Variants in ADAM33 observed in about 807,000 individuals in gnomAD.
ADAM33 encodes ADAM metallopeptidase domain 33.
Under a neutral mutation model 106.2 loss-of-function variants are expected in ADAM33, and 103 were observed. That is an observed-to-expected ratio of 0.97 (90% confidence interval 0.83 to 1.14). The LOEUF (loss-of-function observed/expected upper bound fraction) is 1.14. Ranked by LOEUF, ADAM33 falls within the 50% of genes most tolerant of loss-of-function variation. ADAM33 has a pLI of 0.00. For synonymous variants in ADAM33, 483 were observed against 453.0 expected, an observed-to-expected ratio of 1.07 and a Z score of -0.84; for missense variants, 1,120 against 1,096.6, an observed-to-expected ratio of 1.02 and a Z score of -0.30.
intron 2 of ADAM33, among the ~76,000 whole-genome samples, chr20:3,678,993 C>A (rs569009396): frequency 1.3e-5 from 2 of 151,204 alleles, no homozygotes; most frequent in East Asian, 2.2e-4. Flanking sequence ...GTGACCACTG[C>A]CCCCCCGATA....
In ADAM33 at chr20:3,671,784, G is replaced by A. The variant is rs1252045912; in HGVS notation, c.1707-5C>T. The A allele has an allele frequency of 6.4e-7, 1 of 1,558,144 alleles. No homozygotes were observed. Among genetic ancestry groups the A allele is most frequent in the African/African-American group, 1.4e-5 (1 of 73,470 alleles). ...AGCTTCCCACACAGGGCATCCCTGG[G>A]GAGGAAGTAGAGGGGGGTCAACAGC... On this transcript the variant is annotated splice_region_variant and splice_polypyrimidine_tract_variant and intron_variant, in intron 15 of 21. Transcript: ENST00000356518.
At chr20:3,674,912 G>T (rs763154167) in intron 4 of ADAM33, 63 bp from the exon 5 acceptor site, 4 of 1,608,096 alleles carry the variant, frequency 2.5e-6, no homozygotes, top group Non-Finnish European at 2.6e-6. Context: ...GCAAGAGGGA[G>T]GGTGTGGTAG....
chr20:3,681,764 T>C (rs1331199436), intron 1 of ADAM33, 144 bp downstream of exon 1: 16 of 1,268,086 alleles, frequency 1.3e-5, no homozygotes, highest in Non-Finnish European at 1.5e-5. Context: ...CCCCAAAGAG[T>C]CCCCACGCCC....
In ADAM33 at chr20:3,672,108, G is replaced by A. The variant is rs766629277; in HGVS notation, c.1597+26C>T. 29 of 1,603,780 alleles carry A rather than the reference G, an allele frequency of 1.8e-5. 1 individual carries two copies. In the South Asian group the frequency reaches 2.4e-4, roughly 14 times the overall value. ...GCCCCACCAGAGGATGGGGGGCAGG[G>A]TGCAAGGGTGCTCGTGTCCTCTCAC... On this transcript the variant is annotated intron_variant, in intron 14 of 21. Coordinates refer to ENST00000356518, the MANE Select transcript of ADAM33 (RefSeq NM_025220.5).
At chr20:3,678,869 TG>T (rs571292784) in intron 2 of ADAM33, among the ~76,000 whole-genome samples, 194 of 152,124 alleles carry the variant, frequency 1.3e-3, no homozygotes, top group Non-Finnish European at 2.2e-3. Flanking sequence ...CACAAACAGA[TG>T]GGGCATGGTT....
intron 8 of ADAM33, 34 bp downstream of exon 8, chr20:3,674,030 C>T: frequency 1.2e-6 from 2 of 1,613,350 alleles, no homozygotes; most frequent in East Asian, 2.2e-5. Context: ...GCCGCCGCCA[C>T]CCCCATCACC....
chr20:3,668,854 A>C lies in ADAM33; in HGVS notation c.*109T>G. ...GGGAAGAAACTTCCAAGCTGCCTGC[A>C]GGTGCTGGAGGTCCGGTGATTCACT... On this transcript the variant is annotated 3_prime_UTR_variant, in exon 22 of 22. Coordinates refer to ENST00000356518, the MANE Select transcript of ADAM33 (RefSeq NM_025220.5). 1 of 1,317,000 alleles carries C rather than the reference A, an allele frequency of 7.6e-7. No individual in the cohort carries two copies. Among genetic ancestry groups the C allele is most frequent in the East Asian group, 2.3e-5 (1 of 43,232 alleles). The allele number at this position is 1,317,000 out of a possible 1,614,324, so 81.6% of individuals were successfully genotyped here. A position where few individuals can be genotyped will look rare whatever the true frequency, so the allele number is the denominator to read the frequency against.
intron 1 of ADAM33, among the ~76,000 whole-genome samples, chr20:3,681,372 C>T (rs1055621914): frequency 6.6e-6 from 1 of 152,194 alleles, no homozygotes; most frequent in Non-Finnish European, 1.5e-5. Context: ...AACATACACA[C>T]TGCCCTGCTG....
In ADAM33 at chr20:3,679,475, G is replaced by A. The variant is rs764323492; in HGVS notation, c.177+17C>T. On this transcript the variant is annotated intron_variant, in intron 2 of 21. Transcript: ENST00000356518. Reference sequence around the variant, plus strand: ...GGTTCAGGGCCCCTGTGGAGGGCGGGGAGACATGGCACTGACCGGCTCCTC... The same window carrying A: ...GGTTCAGGGCCCCTGTGGAGGGCGGAGAGACATGGCACTGACCGGCTCCTC... The A allele has an allele frequency of 2.5e-6, 4 of 1,599,544 alleles. No homozygotes were observed. The African/African-American group carries it at 4.0e-5, about 16-fold the overall frequency.
chr20:3,671,950 C>A lies in ADAM33; in HGVS notation c.1633G>T (p.Val545Leu), dbSNP rs530760730. The A allele has an allele frequency of 9.4e-5, 146 of 1,556,496 alleles. No homozygotes were observed. The highest frequency in any genetic ancestry group is 6.7e-4 in the Middle Eastern group (4 of 5,992). ...HPAPEACFQV[V>L]NSAGDAHGNC... ...CCATGAGCATCTCCCGCAGAGTTCA[C>A]CACCTGGAAACAGGCCTCGGGAGCT... The change falls in exon 15 of 22, where the codon GTG becomes TTG. Residue 545 changes from valine to leucine, a missense_variant. Transcript: ENST00000356518.
At chr20:3,671,193 G>T (rs774927265) in intron 18 of ADAM33, 40 bp from the exon 19 acceptor site, 2 of 1,612,754 alleles carry the variant, frequency 1.2e-6, no homozygotes, top group African/African-American at 1.3e-5. Context: ...TCCTGAGCAG[G>T]TGCACCACCC....
chr20:3,672,457 G>GC (rs1044137569), intron 13 of ADAM33, 80 bp downstream of exon 13: 1 of 1,585,022 alleles, frequency 6.3e-7, no homozygotes, highest in African/African-American at 1.3e-5. Context: ...GGGGGAACCT[G>GC]AGGGCACCAA....
chr20:3,669,490 GCATGAGC>G, intron 20 of ADAM33, 49 bp downstream of exon 20: 1 of 1,543,060 alleles, frequency 6.5e-7, no homozygotes, highest in Non-Finnish European at 8.8e-7. Context: ...GAGGCAGGAG[GCATGAGC>G]CCTTCCCTTC....
rs1449837180 is a variant in ADAM33, at chr20:3,669,568, G to T, written c.2310C>A (p.Ala770=). Residue 770 remains alanine, a synonymous_variant, in exon 20 of 22, where the codon GCC becomes GCA. Transcript: ENST00000356518. ...CACCCAGGGGCCAGGGCTGTCCAGT[G>T]GCTGTGGGGCCCAACTCCATGGGGT... The part of the protein sequence containing the change: ...GVHPMELGPT[A]TGQPWPLDPE... 6.3e-7 allele frequency: 1 copy of T among 1,599,000 alleles called. No individual in the cohort carries two copies. The highest frequency in any genetic ancestry group is 1.7e-5 in the Admixed American group (1 of 57,416).
intron 20 of ADAM33, 60 bp from the exon 21 acceptor site, chr20:3,669,430 G>A: frequency 6.4e-7 from 1 of 1,561,436 alleles, no homozygotes; most frequent in East Asian, 2.3e-5. Flanking sequence ...CCCTGGGGCT[G>A]GGGAGGGGCA....
intron 2 of ADAM33, among the ~76,000 whole-genome samples, 161 bp from the exon 3 acceptor site, chr20:3,677,304 G>A (rs893994491): frequency 7.9e-5 from 12 of 152,206 alleles, no homozygotes; most frequent in Admixed American, 7.9e-4. Context: ...CGTGGAGGAG[G>A]TGAGAACATA....
chr20:3,679,453 T>C (rs1339126058), intron 2 of ADAM33, 39 bp downstream of exon 2: 22 of 1,571,860 alleles, frequency 1.4e-5, no homozygotes, highest in Non-Finnish European at 1.6e-5. Context: ...GCTGGGAGGT[T>C]CAGGGCCCCT....
In ADAM33 at chr20:3,671,917, C is replaced by T. The variant is rs148367527; in HGVS notation, c.1666G>A (p.Gly556Ser). 11 of 1,555,034 alleles carry T rather than the reference C, an allele frequency of 7.1e-6. No homozygotes were observed. Among genetic ancestry groups the T allele is most frequent in the Admixed American group, 3.9e-5 (2 of 51,252 alleles). ...NSAGDAHGNC[G>S]QDSEGHFLPC... ...AGGAAGTGGCCCTCGCTGTCCTGGC[C>T]GCAGTTTCCATGAGCATCTCCCGCA... Residue 556 changes from glycine to serine, a missense_variant, in exon 15 of 22, where the codon GGC becomes AGC. Physicochemically the swap from Gly to Ser is moderately conservative, Grantham distance 56. Coordinates refer to ENST00000356518, the MANE Select transcript of ADAM33 (RefSeq NM_025220.5).
chr20:3,680,573 C>T (rs1299429784), intron 1 of ADAM33, among the ~76,000 whole-genome samples: 1 of 152,154 alleles, frequency 6.6e-6, no homozygotes, highest in African/African-American at 2.4e-5. Flanking sequence ...AGATGAGGGC[C>T]GAGAGGAGTC....
Sources: gnomAD v4.1 joint callset for allele counts (sites outside exome capture counted in the v4.1 genomes callset) on GRCh38, gnomAD v4.1.1 for gene constraint, MANE v1.5 for transcripts, NCBI Gene and HGNC (gene_info 2026-07-23, HGNC 2026-07-21) for gene names.